The following SCARA3 variants were observed in gnomAD, a reference collection of about 807,000 sequenced individuals.
SCARA3 encodes the protein scavenger receptor class A member 3.
SCARA3 carries 39 observed loss-of-function variants against 47.0 expected under a neutral mutation model. That is an observed-to-expected ratio of 0.83 (90% CI 0.64 to 1.08). SCARA3 has a LOEUF of 1.08. SCARA3 is among the 50% of genes least tolerant of loss of function. SCARA3 has a pLI of 0.00. For synonymous variants in SCARA3, 356 were observed against 334.1 expected, an observed-to-expected ratio of 1.07 and a Z score of -0.71; for missense variants, 724 against 792.3, an observed-to-expected ratio of 0.91 and a Z score of 1.04.
At chr8:27,724,535 G>A in the SCARA3 span, among the ~76,000 whole-genome samples, 2 of 152,172 alleles carry the variant, frequency 1.3e-5, no homozygotes, top group Non-Finnish European at 2.9e-5. Flanking sequence ...GCAGGTGCCT[G>A]TAATCCCAGC....
rs111324319 is a variant in SCARA3 at position 27,640,833 on chromosome 8, A to C, written c.7+6626A>C. On this transcript the variant is annotated intron_variant, in intron 1 of 5. Transcript: ENST00000301904. Reference sequence around the variant, plus strand: ...TACCTCAGCCTCCCAAGTAACTGGGACTACAGATGCATGCCACCATGCCCA... The same window carrying C: ...TACCTCAGCCTCCCAAGTAACTGGGCCTACAGATGCATGCCACCATGCCCA... 6.2e-3 allele frequency among the ~76,000 whole-genome samples: 940 copies of C among 152,076 alleles called. 13 individuals are homozygous for C. The highest frequency in any genetic ancestry group is 0.021 in the African/African-American group (884 of 41,504).
intron 3 of SCARA3, among the ~76,000 whole-genome samples, chr8:27,653,259 G>GA (rs1159957696): frequency 3.9e-5 from 6 of 152,234 alleles, no homozygotes; most frequent in Non-Finnish European, 8.8e-5. Context: ...GTGAGACGCT[G>GA]TCATGTGCAT....
intron 1 of SCARA3, among the ~76,000 whole-genome samples, chr8:27,643,261 G>T (rs1801421245): frequency 6.6e-6 from 1 of 152,214 alleles, no homozygotes; most frequent in African/African-American, 2.4e-5. Flanking sequence ...AACCTCTGTG[G>T]TTACCAAGAA....
downstream of SCARA3, chr8:27,679,969 C>A (rs1389378312): frequency 6.6e-6 from 1 of 151,814 alleles, no homozygotes; most frequent in Non-Finnish European, 1.5e-5. Context: ...AAGATAAAAA[C>A]CTCTAAATAA....
chr8:27,638,782 A>G (rs1647794096), intron 1 of SCARA3, among the ~76,000 whole-genome samples: 2 of 152,154 alleles, frequency 1.3e-5, no homozygotes, highest in Admixed American at 6.5e-5. Flanking sequence ...TGCCCAAGTC[A>G]CTCAAAAAAA....
chr8:27,666,982 C>T (rs1276793303), intron 5 of SCARA3, among the ~76,000 whole-genome samples: 1 of 152,202 alleles, frequency 6.6e-6, no homozygotes, highest in Non-Finnish European at 1.5e-5. Flanking sequence ...CCAGGGTGTG[C>T]CGGTCCCTCT....
chr8:27,680,920 GA>G (rs1414818288), downstream of SCARA3, among the ~76,000 whole-genome samples: 1 of 152,126 alleles, frequency 6.6e-6, no homozygotes, highest in Non-Finnish European at 1.5e-5. Flanking sequence ...AATAACTGCA[GA>G]AAAAATAATT....
the SCARA3 span, among the ~76,000 whole-genome samples, chr8:27,708,461 G>A: frequency 6.6e-6 from 1 of 151,996 alleles, no homozygotes; most frequent in Non-Finnish European, 1.5e-5. Context: ...TGAGAGGATG[G>A]GGTGGGGGAC....
At chr8:27,651,690 A>G (rs1801637418) in intron 3 of SCARA3, 63 bp downstream of exon 3, 3 of 1,592,532 alleles carry the variant, frequency 1.9e-6, no homozygotes, top group African/African-American at 2.7e-5. Flanking sequence ...TCCAGCACCA[A>G]AAGTTCCCCT....
chr8:27,733,844 C>G, the SCARA3 span: 1 of 152,224 alleles, frequency 6.6e-6, no homozygotes, highest in South Asian at 2.1e-4. Context: ...AAAACAAGAG[C>G]TTCCCCTCTC....
chr8:27,718,822 T>C, the SCARA3 span, among the ~76,000 whole-genome samples: 1 of 152,240 alleles, frequency 6.6e-6, no homozygotes, highest in Non-Finnish European at 1.5e-5. Flanking sequence ...AGGTAATGTA[T>C]GTGTCTGTAT....
At chr8:27,639,433 T>C (rs996629919) in intron 1 of SCARA3, among the ~76,000 whole-genome samples, 2 of 150,508 alleles carry the variant, frequency 1.3e-5, no homozygotes, top group Non-Finnish European at 3.0e-5. Flanking sequence ...AGCTGAAGGG[T>C]GGGGAGGAGT....
chr8:27,668,496 C>T (rs1442328330), intron 5 of SCARA3, among the ~76,000 whole-genome samples: 6 of 145,954 alleles, frequency 4.1e-5, no homozygotes, highest in East Asian at 2.1e-4. Flanking sequence ...GCCGAGATTG[C>T]GCCACTGCAG....
the SCARA3 span, among the ~76,000 whole-genome samples, chr8:27,698,604 A>G: frequency 6.6e-6 from 1 of 152,368 alleles, no homozygotes; most frequent in African/African-American, 2.4e-5. Context: ...AGTTGTTTGT[A>G]TAGAAAATCC....
At chr8:27,725,424 A>T in the SCARA3 span, among the ~76,000 whole-genome samples, 2 of 150,208 alleles carry the variant, frequency 1.3e-5, no homozygotes, top group African/African-American at 4.9e-5. Context: ...AAATGAACAT[A>T]TCTTTTCATA....
chr8:27,633,885 G>T, upstream of SCARA3: 1 of 155,220 alleles, frequency 6.4e-6, no homozygotes, highest in South Asian at 1.8e-4. Flanking sequence ...AGGGTGCGCG[G>T]GGCGAGGGGC....
At chr8:27,685,650 G>C in the SCARA3 span, among the ~76,000 whole-genome samples, 16 of 152,256 alleles carry the variant, frequency 1.1e-4, no homozygotes, top group East Asian at 1.4e-3. Context: ...CTGAAGCAGT[G>C]GAAGTATTCT....
At chr8:27,664,657 C>T (rs1430651665) in intron 5 of SCARA3, among the ~76,000 whole-genome samples, 2 of 152,074 alleles carry the variant, frequency 1.3e-5, no homozygotes, top group Admixed American at 6.6e-5. Context: ...ACAGGGGAAC[C>T]GTTCTAATAT....
At chr8:27,679,935 T>A (rs1802333424), downstream of SCARA3, 1 of 152,138 alleles carries the variant, frequency 6.6e-6, no homozygotes, top group Admixed American at 6.5e-5. Flanking sequence ...TCCTTTTTTT[T>A]AATCCACACA....
Sources: allele counts gnomAD v4.1 joint callset (sites outside exome capture counted in the v4.1 genomes callset), GRCh38; gene constraint gnomAD v4.1.1; transcripts MANE v1.5; gene names NCBI Gene and HGNC (gene_info 2026-07-23, HGNC 2026-07-21).